MSRA: variants seen among roughly 807,000 people sequenced by gnomAD.
MSRA encodes mitochondrial peptide methionine sulfoxide reductase.
A neutral mutation model predicts 31.3 loss-of-function variants in MSRA; 54 were observed. The observed-to-expected ratio is 1.73, with a 90% CI of 1.39 to 2.17. The LOEUF (loss-of-function observed/expected upper bound fraction) is 2.17. Ranked by LOEUF, MSRA falls within the 30% of genes most tolerant of loss-of-function variation. The pLI is 0.00. For synonymous variants in MSRA, 169 were observed against 116.5 expected, an observed-to-expected ratio of 1.45 and a Z score of -2.90; for missense variants, 507 against 300.9, an observed-to-expected ratio of 1.69 and a Z score of -5.07.
At chr8:10,294,847 C>T (rs1469753733) in intron 3 of MSRA, among the ~76,000 whole-genome samples, 3 of 150,936 alleles carry the variant, frequency 2.0e-5, no homozygotes, top group East Asian at 2.0e-4. Context: ...CCCTGAGCAC[C>T]GGGACCAGGG....
At chr8:10,058,676 G>T (rs1038295474) in intron 1 of MSRA, among the ~76,000 whole-genome samples, 9 of 152,228 alleles carry the variant, frequency 5.9e-5, no homozygotes, top group African/African-American at 2.2e-4. Context: ...TAGGCTTAAT[G>T]AAGAAACGTT....
intron 1 of MSRA, among the ~76,000 whole-genome samples, chr8:10,191,233 C>T (rs1373595434): frequency 6.6e-6 from 1 of 151,960 alleles, no homozygotes; most frequent in African/African-American, 2.4e-5. Flanking sequence ...ATAGGAATAA[C>T]CCCACCATCT....
intron 5 of MSRA, among the ~76,000 whole-genome samples, chr8:10,371,410 C>A (rs1451691422): frequency 6.6e-6 from 1 of 152,176 alleles, no homozygotes; most frequent in Non-Finnish European, 1.5e-5. Flanking sequence ...CCTGACCCCA[C>A]ATAGAACTCA....
intron 1 of MSRA, among the ~76,000 whole-genome samples, chr8:10,203,404 A>G (rs1373659166): frequency 1.3e-5 from 2 of 152,234 alleles, no homozygotes; most frequent in Non-Finnish European, 2.9e-5. Context: ...ACATAAAGAT[A>G]TGTAACAGTC....
At chr8:10,383,014 G>A (rs1806167943) in intron 5 of MSRA, among the ~76,000 whole-genome samples, 1 of 152,216 alleles carries the variant, frequency 6.6e-6, no homozygotes. Context: ...TTTGAAATGG[G>A]CAAGAGGTAG....
At chr8:10,117,458 C>T (rs910253825) in intron 1 of MSRA, among the ~76,000 whole-genome samples, 1 of 152,122 alleles carries the variant, frequency 6.6e-6, no homozygotes, top group Non-Finnish European at 1.5e-5. Flanking sequence ...TGGTCTTGTC[C>T]CCATGGAAGT....
intron 5 of MSRA, among the ~76,000 whole-genome samples, chr8:10,409,112 G>T (rs1291528781): frequency 6.6e-6 from 1 of 152,224 alleles, no homozygotes; most frequent in African/African-American, 2.4e-5. Flanking sequence ...TTGAATGGCA[G>T]TTCTATTTTT....
chr8:10,059,013 G>A (rs1802553260), intron 1 of MSRA: 1 of 152,158 alleles, frequency 6.6e-6, no homozygotes, highest in African/African-American at 2.4e-5. Flanking sequence ...CAGCCAGTGT[G>A]ATCAGACAAA....
intron 3 of MSRA, among the ~76,000 whole-genome samples, chr8:10,260,430 G>C (rs1012905819): frequency 6.6e-6 from 1 of 152,146 alleles, no homozygotes; most frequent in South Asian, 2.1e-4. Context: ...GAGGAAGCGG[G>C]GGACAGAATA....
chr8:10,100,545 A>G (rs1241249943), intron 1 of MSRA, among the ~76,000 whole-genome samples: 2 of 152,130 alleles, frequency 1.3e-5, no homozygotes, highest in Non-Finnish European at 1.5e-5. Context: ...GGATGTGATC[A>G]GAAGTGTTCT....
intron 5 of MSRA, among the ~76,000 whole-genome samples, chr8:10,339,777 G>A (rs1015637901): frequency 7.0e-6 from 1 of 143,164 alleles, no homozygotes; most frequent in Non-Finnish European, 1.6e-5. Flanking sequence ...TCCTGACCTC[G>A]TGATCCCCCC....
At chr8:10,162,687 A>T (rs1804767084) in intron 1 of MSRA, among the ~76,000 whole-genome samples, 1 of 152,160 alleles carries the variant, frequency 6.6e-6, no homozygotes, top group South Asian at 2.1e-4. Context: ...AGAGGTAGGC[A>T]CTGAAGGGGA....
intron 1 of MSRA, among the ~76,000 whole-genome samples, chr8:10,157,571 G>A (rs1202973346): frequency 1.3e-5 from 2 of 152,046 alleles, no homozygotes; most frequent in Non-Finnish European, 2.9e-5. Context: ...TGTAGGCAAT[G>A]TTAGGGCTTC....
intron 1 of MSRA, among the ~76,000 whole-genome samples, chr8:10,143,271 T>C (rs990426307): frequency 1.3e-5 from 2 of 152,046 alleles, no homozygotes; most frequent in South Asian, 4.2e-4. Context: ...AGGGAGTGTT[T>C]AGAAAAAAGA....
chr8:10,389,325 T>G (rs1806588887), intron 5 of MSRA, among the ~76,000 whole-genome samples: 1 of 152,186 alleles, frequency 6.6e-6, no homozygotes, highest in South Asian at 2.1e-4. Context: ...TTAGATGATT[T>G]TTGAGGCATG....
At chr8:10,357,583 C>A (rs771973753) in intron 5 of MSRA, among the ~76,000 whole-genome samples, 1 of 152,218 alleles carries the variant, frequency 6.6e-6, no homozygotes, top group Non-Finnish European at 1.5e-5. Flanking sequence ...CAGGAGCTTT[C>A]CTATCTTCTT....
chr8:10,289,399 G>A (rs532295270), intron 3 of MSRA, among the ~76,000 whole-genome samples: 180 of 152,098 alleles, frequency 1.2e-3, no homozygotes, highest in African/African-American at 4.1e-3. Flanking sequence ...TCAAGATAGT[G>A]GGTATATATA....
intron 5 of MSRA, among the ~76,000 whole-genome samples, chr8:10,365,254 T>G (rs1454071905): frequency 6.6e-6 from 1 of 152,002 alleles, no homozygotes; most frequent in African/African-American, 2.4e-5. Context: ...CTGACCAGCT[T>G]GTACCCCTCC....
intron 1 of MSRA, among the ~76,000 whole-genome samples, chr8:10,087,328 C>A (rs1248310959): frequency 7.3e-6 from 1 of 137,146 alleles, no homozygotes; most frequent in Non-Finnish European, 1.5e-5. Flanking sequence ...TCATGCATGG[C>A]TTGTGTTTAT....
Sources: gnomAD v4.1 joint callset for allele counts (sites outside exome capture counted in the v4.1 genomes callset) on GRCh38, gnomAD v4.1.1 for gene constraint, MANE v1.5 for transcripts, NCBI Gene and HGNC (gene_info 2026-07-23, HGNC 2026-07-21) for gene names.